The following ZNF444 variants were observed in gnomAD, a reference collection of about 807,000 sequenced individuals.
ZNF444 encodes endothelial zinc finger protein 2.
Under a neutral mutation model 14.4 loss-of-function variants are expected in ZNF444, and 8 were observed. The ratio of observed to expected loss-of-function variants is 0.56; its 90% CI spans 0.33 to 1.00. ZNF444 has a LOEUF of 1.00. Ranked by LOEUF, ZNF444 falls within the 50% of genes least tolerant of loss-of-function variation. ZNF444 has a pLI of 0.03. For synonymous variants in ZNF444, 258 were observed against 235.9 expected (o/e 1.09, Z -0.86); for missense variants, 510 against 504.8 (o/e 1.01, Z -0.10).
intron 1 of ZNF444, among the ~76,000 whole-genome samples, chr19:56,135,092 A>C (rs1011289618): frequency 6.6e-6 from 1 of 152,052 alleles, no homozygotes; most frequent in Non-Finnish European, 1.5e-5. Context: ...TCAGCCAGGC[A>C]TGGTGGCAGG....
chr19:56,144,981 T>C lies in ZNF444; in HGVS notation c.-196-1266T>C, dbSNP rs1161253714. ...CAGCGAGTGACTATCTTTGGCTCTG[T>C]GGACAGCCTTACAGGCCACCCAGGC... On this transcript the variant is annotated intron_variant, in intron 1 of 4. Coordinates refer to ENST00000337080, the MANE Select transcript of ZNF444 (RefSeq NM_018337.4). This position sits in a 1 kb window ranked among gnomAD's most constrained non-coding sequence, Gnocchi z 4.0. 6.6e-6 allele frequency among the ~76,000 whole-genome samples: 1 copy of C among 152,234 alleles called. No individual in the cohort carries two copies. The highest frequency in any genetic ancestry group is 1.5e-5 in the Non-Finnish European group (1 of 68,046).
chr19:56,151,873 C>T (rs759369717), intron 3 of ZNF444: 9 of 428,808 alleles, frequency 2.1e-5, no homozygotes, highest in Middle Eastern at 3.4e-4. Context: ...AGACAGCTGA[C>T]ATCTGGGGGC....
chr19:56,136,723 C>T (rs1459285640), upstream of ZNF444, among the ~76,000 whole-genome samples: 1 of 152,150 alleles, frequency 6.6e-6, no homozygotes, highest in Non-Finnish European at 1.5e-5. Flanking sequence ...TGAAGTAAAT[C>T]GCTGGGCCCC....
chr19:56,158,334 C>T, intron 3 of ZNF444, 160 bp from the exon 4 acceptor site: 1 of 640,716 alleles, frequency 1.6e-6, no homozygotes. Flanking sequence ...GGTTCCTCAC[C>T]TGGGGGCCTC....
upstream of ZNF444, among the ~76,000 whole-genome samples, chr19:56,138,403 G>T (rs2030659739): frequency 6.6e-6 from 1 of 152,022 alleles, no homozygotes; most frequent in Non-Finnish European, 1.5e-5. Context: ...GAGGCAGGTG[G>T]ATCACTTGAG....
intron 3 of ZNF444, chr19:56,158,141 GGT>G: frequency 5.1e-6 from 1 of 196,986 alleles, no homozygotes; most frequent in East Asian, 1.2e-4. Context: ...CACACTCAGG[GGT>G]GTAAACAGTA....
At position 56,160,279 on chromosome 19, in the gene ZNF444, C is replaced by A. The variant is rs2032212999; in HGVS notation, c.*78C>A. On this transcript the variant is annotated 3_prime_UTR_variant, in exon 5 of 5. Transcript: ENST00000337080. ...CCTGCTCTCTCCCAGCGCCACTTGG[C>A]CTCTTCCTCTCCTCCTTCCCTCCCA... The A allele has an allele frequency of 2.5e-6, 3 of 1,192,152 alleles. No individual in the cohort carries two copies. Among genetic ancestry groups the A allele is most frequent in the Non-Finnish European group, 3.3e-6 (3 of 906,702 alleles). 73.8% of individuals were successfully genotyped at this position (1,192,152 alleles called of 1,614,324 possible).
rs1193257920 is a variant in ZNF444, at chr19:56,160,013, G to A, written c.796G>A (p.Val266Met). The change falls in exon 5 of 5, where the codon GTG becomes ATG. Residue 266 changes from valine (V) to methionine (M), a missense_variant. Physicochemically the swap from Val to Met is conservative, Grantham distance 21. Coordinates refer to ENST00000337080, the MANE Select transcript of ZNF444 (RefSeq NM_018337.4). ...GACCTTCTACTGGCGCGAGCACCTG[G>A]TGCGCCACCGCAAGACGCACTCGGG... Reference protein sequence around the residue: ...GKTFYWREHLVRHRKTHSGAR... With the variant: ...GKTFYWREHLMRHRKTHSGAR... 1 of 1,512,366 alleles carries A rather than the reference G, an allele frequency of 6.6e-7. No individual in the cohort carries two copies. The highest frequency in any genetic ancestry group is 2.6e-5 in the East Asian group (1 of 38,020). The allele number at this position is 1,512,366 out of a possible 1,614,324, so 93.7% of individuals were successfully genotyped here.
chr19:56,136,598 C>T (rs74409374), upstream of ZNF444, among the ~76,000 whole-genome samples: 3,036 of 152,178 alleles, frequency 0.02, 111 homozygotes, highest in African/African-American at 0.069. Context: ...GAGTGCTTTG[C>T]GTGTATTAAC....
intron 3 of ZNF444, among the ~76,000 whole-genome samples, chr19:56,149,070 A>C (rs1434122169): frequency 2.3e-4 from 24 of 103,546 alleles, no homozygotes; most frequent in East Asian, 8.3e-4. Context: ...CATCCCCATC[A>C]CTCCTCCGAC....
chr19:56,142,167 C>T (rs1388096460), intron 1 of ZNF444: 1 of 152,162 alleles, frequency 6.6e-6, no homozygotes, highest in African/African-American at 2.4e-5. Context: ...AGCAGTGTCC[C>T]CTGGGCACCT....
At chr19:56,134,242 G>C (rs1599979524) in intron 1 of ZNF444, among the ~76,000 whole-genome samples, 3 of 152,198 alleles carry the variant, frequency 2.0e-5, no homozygotes, top group South Asian at 2.1e-4. Flanking sequence ...TTATTATTTG[G>C]GGTAATAATT....
At position 56,147,215 on chromosome 19, in the gene ZNF444, C is replaced by T; in HGVS notation, c.297+7C>T. 7.0e-7 allele frequency: 1 copy of T among 1,419,000 alleles called. No individual in the cohort carries two copies. Among genetic ancestry groups the T allele is most frequent in the Non-Finnish European group, 9.2e-7 (1 of 1,092,192 alleles). 87.9% of individuals were successfully genotyped at this position (1,419,000 alleles called of 1,614,324 possible). A position where few individuals can be genotyped will look rare whatever the true frequency, so the allele number is the denominator to read the frequency against. On this transcript the variant is annotated splice_region_variant and intron_variant, in intron 3 of 4. Coordinates refer to ENST00000337080, the MANE Select transcript of ZNF444 (RefSeq NM_018337.4). This position sits in a 1 kb window ranked among gnomAD's most constrained non-coding sequence, Gnocchi z 5.9. ...CCTGCTGGAGGAGCTCTGGGTGAGC[C>T]TGGCGGGACTGCAAGCGGGGAAGGG... is the stretch of plus-strand genomic sequence containing the variant.
rs767498333 is a variant in ZNF444 at position 56,160,135 on chromosome 19, C to G, written c.918C>G (p.Ser306Arg). Residue 306 changes from serine to arginine, a missense_variant, in exon 5 of 5, where the codon AGC becomes AGG. Ser to Arg is a moderately radical substitution (Grantham distance 110). Transcript: ENST00000337080. ...GCATCCACGGCCGGGCAGCGGCCAG[C>G]GCGCAGGGGGCGGTAGCTCCGGGCC... is the stretch of plus-strand genomic sequence containing the variant. ...HQRIHGRAAASAQGAVAPGPD... is the reference protein window; with the variant it reads ...HQRIHGRAAARAQGAVAPGPD... The G allele has an allele frequency of 7.4e-6, 11 of 1,482,644 alleles. No individual in the cohort carries two copies. In the South Asian group the frequency reaches 1.2e-4, roughly 16 times the overall value. 91.8% of individuals were successfully genotyped at this position (1,482,644 alleles called of 1,614,324 possible). A position where few individuals can be genotyped will look rare whatever the true frequency, so the allele number is the denominator to read the frequency against.
intron 1 of ZNF444, among the ~76,000 whole-genome samples, chr19:56,134,498 G>C (rs1222317674): frequency 6.6e-6 from 1 of 152,212 alleles, no homozygotes; most frequent in Admixed American, 6.5e-5. Context: ...ATGAAATGGA[G>C]AAAGAGGGGG....
At position 56,160,500 on chromosome 19, in the gene ZNF444, T is replaced by G. The variant is rs1193983270; in HGVS notation, c.*299T>G. ...TCTCCTCCTTCCCCCCTCTTCTCTC[T>G]CCTGCGGCCCAGCCTCCCTCTCCCT... On this transcript the variant is annotated 3_prime_UTR_variant, in exon 5 of 5. Coordinates refer to ENST00000337080, the MANE Select transcript of ZNF444 (RefSeq NM_018337.4). 2.3e-5 allele frequency: 8 copies of G among 341,628 alleles called. No individual in the cohort carries two copies. The highest frequency in any genetic ancestry group is 2.7e-5 in the Non-Finnish European group (5 of 188,540). 21.2% of individuals were successfully genotyped at this position (341,628 alleles called of 1,614,324 possible).
chr19:56,133,473 A>G (rs662308), intron 1 of ZNF444, among the ~76,000 whole-genome samples: 141,598 of 152,130 alleles, frequency 0.93, 66,540 homozygotes, highest in Non-Finnish European at 0.99. Context: ...TCACCTGGGA[A>G]AGTACACCTG....
upstream of ZNF444, among the ~76,000 whole-genome samples, chr19:56,140,255 T>G (rs1275563953): frequency 2.0e-5 from 3 of 152,076 alleles, no homozygotes; most frequent in African/African-American, 7.2e-5. Flanking sequence ...ATCCTTGTTG[T>G]ACGGAGGAGG....
upstream of ZNF444, among the ~76,000 whole-genome samples, chr19:56,140,612 G>A (rs563049047): frequency 3.9e-4 from 59 of 152,276 alleles, no homozygotes; most frequent in Middle Eastern, 6.8e-3. Context: ...CGGAACAGGA[G>A]GGCAGCCTGC....
Sources: allele counts gnomAD v4.1 joint callset (sites outside exome capture counted in the v4.1 genomes callset), GRCh38; gene constraint gnomAD v4.1.1; non-coding constraint Gnocchi (gnomAD v3.1); transcripts MANE v1.5; gene names NCBI Gene and HGNC (gene_info 2026-07-23, HGNC 2026-07-21).